The following KCNH5 variants were observed in gnomAD, a reference collection of about 807,000 sequenced individuals.
KCNH5 encodes voltage-gated delayed rectifier potassium channel KCNH5.
Under a neutral mutation model 96.1 loss-of-function variants are expected in KCNH5, and 46 were observed. The ratio of observed to expected loss-of-function variants is 0.48; its 90% CI spans 0.38 to 0.61. The LOEUF (loss-of-function observed/expected upper bound fraction) is 0.61, where lower values mean the gene tolerates loss of function less well. KCNH5 is among the 20% of genes least tolerant of loss of function. The pLI is 0.00. For missense variants in KCNH5, 907 were observed against 1,225.8 expected (o/e 0.74, Z 3.88); for synonymous variants, 439 against 449.8 (o/e 0.98, Z 0.30).
intron 8 of KCNH5, among the ~76,000 whole-genome samples, chr14:62,820,140 G>A (rs1042735580): frequency 3.3e-5 from 5 of 152,162 alleles, no homozygotes; most frequent in African/African-American, 1.2e-4. Flanking sequence ...AGCTTCAGGG[G>A]AAAATATAGG....
intron 1 of KCNH5, among the ~76,000 whole-genome samples, chr14:63,042,238 T>C (rs1891838107): frequency 6.6e-6 from 1 of 152,054 alleles, no homozygotes; most frequent in African/African-American, 2.4e-5. Flanking sequence ...AAGAGTTAGA[T>C]TGCTTCCTCT....
intron 9 of KCNH5, among the ~76,000 whole-genome samples, chr14:62,781,161 G>A (rs1886203714): frequency 6.6e-6 from 1 of 152,132 alleles, no homozygotes; most frequent in Non-Finnish European, 1.5e-5. Context: ...GACATCACAT[G>A]TTGGTAGGTT....
At chr14:62,789,110 ACT>A (rs1203325630) in intron 9 of KCNH5, among the ~76,000 whole-genome samples, 1 of 151,770 alleles carries the variant, frequency 6.6e-6, no homozygotes, top group Admixed American at 6.6e-5. Context: ...CATCCCCACC[ACT>A]GTTTTATTCT....
intron 7 of KCNH5, among the ~76,000 whole-genome samples, chr14:62,871,905 GT>G (rs1384735851): frequency 6.6e-6 from 1 of 152,158 alleles, no homozygotes; most frequent in African/African-American, 2.4e-5. Flanking sequence ...CTGAGTCATT[GT>G]TTGTGTTCAG....
At chr14:62,746,331 C>T (rs1323668545) in intron 10 of KCNH5, among the ~76,000 whole-genome samples, 1 of 152,174 alleles carries the variant, frequency 6.6e-6, no homozygotes, top group Non-Finnish European at 1.5e-5. Flanking sequence ...GTACAAAATA[C>T]TACTCTAGAT....
At chr14:63,008,625 AT>A (rs2139599589) in intron 2 of KCNH5, among the ~76,000 whole-genome samples, 1 of 152,048 alleles carries the variant, frequency 6.6e-6, no homozygotes, top group East Asian at 1.9e-4. Context: ...GAAAATTTTA[AT>A]TGTCATTAAA....
intron 7 of KCNH5, among the ~76,000 whole-genome samples, chr14:62,877,111 TA>T (rs1237353325): frequency 2.0e-5 from 3 of 152,154 alleles, no homozygotes; most frequent in Non-Finnish European, 4.4e-5. Flanking sequence ...CCCTATTTAA[TA>T]AATGGTGCTG....
intron 4 of KCNH5, 94 bp from the exon 5 acceptor site, chr14:62,987,281 T>C (rs1303326701): frequency 2.3e-5 from 19 of 836,648 alleles, no homozygotes; most frequent in Non-Finnish European, 3.4e-5. Context: ...AGCAACCACA[T>C]AACATCCAAA....
chr14:62,873,149 CAAAA>C (rs34678951), intron 7 of KCNH5, among the ~76,000 whole-genome samples: 1 of 113,902 alleles, frequency 8.8e-6, no homozygotes, highest in Admixed American at 9.5e-5. Context: ...GACTCTGACT[CAAAA>C]AAAAAAAAAA....
intron 6 of KCNH5, among the ~76,000 whole-genome samples, chr14:62,970,879 G>GA (rs895299868): frequency 2.4e-4 from 34 of 140,876 alleles, no homozygotes; most frequent in South Asian, 6.7e-4. Flanking sequence ...CCAAAAAAAA[G>GA]AAAAAAAAAA....
chr14:62,726,501 C>G (rs1422555445), intron 10 of KCNH5, among the ~76,000 whole-genome samples: 1 of 151,344 alleles, frequency 6.6e-6, no homozygotes, highest in Non-Finnish European at 1.5e-5. Context: ...AGAAGTCATG[C>G]AAATAGCCAT....
At chr14:62,737,602 T>C (rs1457755422) in intron 10 of KCNH5, among the ~76,000 whole-genome samples, 3 of 152,172 alleles carry the variant, frequency 2.0e-5, no homozygotes, top group Non-Finnish European at 4.4e-5. Flanking sequence ...ATATGAGCTA[T>C]TTTAAAAATA....
intron 8 of KCNH5, among the ~76,000 whole-genome samples, chr14:62,817,738 AATATATTCTAGGAATATATTATATTCCT>A (rs150381635): frequency 2.1e-5 from 3 of 142,572 alleles, no homozygotes; most frequent in Non-Finnish European, 3.0e-5. Context: ...TCTATATAAT[AATATATTCTAGGAATATATTATATTCCT>A]ATATATTCTA....
chr14:62,728,987 G>A (rs1320321567), intron 10 of KCNH5, among the ~76,000 whole-genome samples: 2 of 152,188 alleles, frequency 1.3e-5, no homozygotes, highest in Admixed American at 1.3e-4. Context: ...GAGATGAAAA[G>A]TTAATCTAGA....
chr14:62,883,336 C>A (rs758281861), intron 7 of KCNH5, among the ~76,000 whole-genome samples: 1 of 152,158 alleles, frequency 6.6e-6, no homozygotes, highest in Middle Eastern at 3.4e-3. Flanking sequence ...AGTCCCTTAC[C>A]CTTAGGAAAT....
At chr14:62,838,801 T>A (rs528808755) in intron 8 of KCNH5, among the ~76,000 whole-genome samples, 1 of 152,280 alleles carries the variant, frequency 6.6e-6, no homozygotes, top group East Asian at 1.9e-4. Context: ...TAAATGGGAA[T>A]AATTATAGTA....
At chr14:62,806,151 T>C (rs1232719147) in intron 8 of KCNH5, among the ~76,000 whole-genome samples, 8 of 152,132 alleles carry the variant, frequency 5.3e-5, no homozygotes, top group Non-Finnish European at 1.2e-4. Context: ...ACGAATGTCA[T>C]GGCAACGTCA....
chr14:62,772,314 ATCTT>A (rs1221673110), intron 10 of KCNH5, among the ~76,000 whole-genome samples: 1 of 152,102 alleles, frequency 6.6e-6, no homozygotes, highest in Non-Finnish European at 1.5e-5. Flanking sequence ...AAGTATTAAT[ATCTT>A]TTTAAAAATA....
chr14:62,876,027 C>T (rs1277568178), intron 7 of KCNH5, among the ~76,000 whole-genome samples: 2 of 152,072 alleles, frequency 1.3e-5, no homozygotes, highest in African/African-American at 4.8e-5. Flanking sequence ...ATTAGCCAGG[C>T]ATGGTGGCAT....
Sources: gnomAD v4.1 joint callset for allele counts (sites outside exome capture counted in the v4.1 genomes callset) on GRCh38, gnomAD v4.1.1 for gene constraint, MANE v1.5 for transcripts, NCBI Gene and HGNC (gene_info 2026-07-23, HGNC 2026-07-21) for gene names.